Variants in SALL4 observed in about 807,000 individuals in gnomAD.
The protein encoded by SALL4 is sal-like protein 4.
Under a neutral mutation model 60.8 loss-of-function variants are expected in SALL4, and 4 were observed. The observed-to-expected ratio is 0.07, with a 90% CI of 0.03 to 0.15. The LOEUF is 0.15. Among genes scored for constraint, SALL4 ranks in the 10% least tolerant of loss-of-function variants. The pLI is 1.00. For missense variants in SALL4, 1,178 were observed against 1,394.7 expected (o/e 0.84, Z 2.48); for synonymous variants, 580 against 574.9 (o/e 1.01, Z -0.13).
chr20:51,802,307 G>C lies in SALL4; in HGVS notation c.102C>G (p.Ala34=). 2 of 1,609,066 alleles carry C rather than the reference G, an allele frequency of 1.2e-6. No individual in the cohort carries two copies. The highest frequency in any genetic ancestry group is 1.3e-5 in the African/African-American group (1 of 74,902). Residue 34 remains alanine, a synonymous_variant, in exon 1 of 4, where the codon GCC becomes GCG. Transcript: ENST00000217086. ...QQQTPEFADA[A]PAAPAAGELG... is the part of the protein sequence containing the mutation. The stretch of plus-strand genomic sequence containing the variant: ...GCTCCCCCGCCGCGGGCGCCGCTGG[G>C]GCCGCATCTGCAAACTCCGGGGTCT...
chr20:51,785,933 C>A (rs577630366), intron 3 of SALL4, among the ~76,000 whole-genome samples: 2 of 151,596 alleles, frequency 1.3e-5, no homozygotes, highest in East Asian at 3.9e-4. Context: ...TGAGCCACCA[C>A]GTCCGGCCTT....
intron 2 of SALL4, among the ~76,000 whole-genome samples, chr20:51,789,637 A>T (rs969247175): frequency 6.6e-6 from 1 of 152,158 alleles, no homozygotes; most frequent in Non-Finnish European, 1.5e-5. Context: ...CAGTGGTCAA[A>T]AAGCAGTGGC....
At chr20:51,789,216 C>A in intron 2 of SALL4, 75 bp from the exon 3 acceptor site, 1 of 1,546,640 alleles carries the variant, frequency 6.5e-7, no homozygotes, top group Non-Finnish European at 8.8e-7. Context: ...CAAAAGAGAT[C>A]TTTAAAAATA....
intron 1 of SALL4, among the ~76,000 whole-genome samples, chr20:51,798,806 C>T (rs1485491808): frequency 6.6e-6 from 1 of 152,002 alleles, no homozygotes; most frequent in Non-Finnish European, 1.5e-5. Context: ...CATCTCATCA[C>T]ATCACCAACT....
chr20:51,795,169 C>T (rs1296033963), intron 1 of SALL4, among the ~76,000 whole-genome samples: 1 of 152,120 alleles, frequency 6.6e-6, no homozygotes, highest in Non-Finnish European at 1.5e-5. Flanking sequence ...TAAAAATGTT[C>T]GGCCGGGCAC....
chr20:51,788,806 T>C lies in SALL4; in HGVS notation c.2742+55A>G. ...AAGAACTCATCACGGCTTGTGCCAA[T>C]AAGAAGACACCTGGTGCCTAGCCCC... is the stretch of plus-strand genomic sequence containing the variant. On this transcript the variant is annotated intron_variant, in intron 3 of 3. Transcript: ENST00000217086. This position sits in a 1 kb window ranked among gnomAD's most constrained non-coding sequence, Gnocchi z 4.1. The C allele has an allele frequency of 6.2e-7, 1 of 1,606,470 alleles. No homozygotes were observed.
Position 51,790,982 on chromosome 20 carries a change from C to A in SALL4, c.1501G>T (p.Gly501Cys), listed in dbSNP as rs758979245. 1.2e-6 allele frequency: 2 copies of A among 1,614,034 alleles called. No individual in the cohort carries two copies. The highest frequency in any genetic ancestry group is 2.7e-5 in the African/African-American group (2 of 74,898). The part of the protein sequence containing the change: ...SGTNPKDLTG[G>C]SLPGDLQPGP... ...GGCTGCAGGTCACCGGGCAAGGAGCCACCCGTGAGGTCCTTGGGATTAGTC... is the reference window on the plus strand; with the variant it reads ...GGCTGCAGGTCACCGGGCAAGGAGCAACCCGTGAGGTCCTTGGGATTAGTC... Residue 501 changes from glycine (G) to cysteine (C), a missense_variant, in exon 2 of 4, where the codon GGC becomes TGC. This residue lies in a region of SALL4 where 853 missense variants were observed against 1,036.8 expected (regional missense o/e 0.82). Transcript: ENST00000217086. The surrounding 1 kb of genome is among the most constrained non-coding windows in gnomAD (Gnocchi z 5.5).
rs1175508462 is a variant in SALL4, at chr20:51,782,575, G to GAT, written c.*1689_*1690insAT. The GAT allele has an allele frequency of 9.2e-6, 1 of 109,214 alleles. No individual in the cohort carries two copies. The highest frequency in any genetic ancestry group is 1.8e-5 in the Non-Finnish European group (1 of 54,392). 6.8% of individuals were successfully genotyped at this position (109,214 alleles called of 1,614,324 possible). ...CAAAAAAAAAAAAAAAAAAAAAAAA[G>GAT]GGGGGCGGAATCCTAAAGTCAGGTG... is the stretch of plus-strand genomic sequence containing the variant. On this transcript the variant is annotated 3_prime_UTR_variant, in exon 4 of 4. Transcript: ENST00000217086.
intron 1 of SALL4, among the ~76,000 whole-genome samples, chr20:51,798,951 C>T (rs893289107): frequency 3.9e-5 from 6 of 152,074 alleles, no homozygotes; most frequent in African/African-American, 4.8e-5. Flanking sequence ...CAAGGCACCA[C>T]GGGCAAAGCC....
Position 51,791,066 on chromosome 20 carries a change from C to G in SALL4, c.1417G>C (p.Asp473His). The G allele has an allele frequency of 6.2e-7, 1 of 1,614,112 alleles. No homozygotes were observed. ...GTGGTTACAAGGACAGGTTTGCTGT[C>G]TAAAGAAAGACTCGGTTCATCTATG... ...DPIDEPSLSLDSKPVLVTTSV... is the reference protein window; with the variant it reads ...DPIDEPSLSLHSKPVLVTTSV... Residue 473 changes from aspartate to histidine, a missense_variant, in exon 2 of 4, where the codon GAC (aspartate) becomes CAC (histidine). Coordinates refer to ENST00000217086, the MANE Select transcript of SALL4 (RefSeq NM_020436.5). The surrounding 1 kb of genome is among the most constrained non-coding windows in gnomAD (Gnocchi z 4.6).
At position 51,791,538 on chromosome 20, in the gene SALL4, C is replaced by A; in HGVS notation, c.945G>T (p.Leu315=). ...SLSPGLAPFT[L]KPDGTRVLPN... ...GGAGCACCCGGGTCCCATCCGGCTT[C>A]AGAGTGAAGGGTGCCAGCCCTGGGG... The change falls in exon 2 of 4, where the codon CTG becomes CTT. Residue 315 remains leucine, a synonymous_variant. Transcript: ENST00000217086. This position sits in a 1 kb window ranked among gnomAD's most constrained non-coding sequence, Gnocchi z 4.6. 3 of 1,613,934 alleles carry A rather than the reference C, an allele frequency of 1.9e-6. No individual in the cohort carries two copies. Among genetic ancestry groups the A allele is most frequent in the Non-Finnish European group, 2.5e-6 (3 of 1,180,046 alleles).
At chr20:51,793,877 G>A (rs1223578247) in intron 1 of SALL4, among the ~76,000 whole-genome samples, 1 of 152,052 alleles carries the variant, frequency 6.6e-6, no homozygotes, top group Admixed American at 6.5e-5. Context: ...TAGGCTGGGG[G>A]TGGGTCAGGG....
At chr20:51,786,811 T>C (rs540435154) in intron 3 of SALL4, among the ~76,000 whole-genome samples, 16 of 152,306 alleles carry the variant, frequency 1.1e-4, no homozygotes, top group Admixed American at 3.9e-4. Context: ...AAACAATTTG[T>C]GGGCAGGGCA....
At chr20:51,798,292 C>T (rs952509026) in intron 1 of SALL4, among the ~76,000 whole-genome samples, 10 of 152,164 alleles carry the variant, frequency 6.6e-5, no homozygotes, top group South Asian at 2.1e-4. Flanking sequence ...GTTTCACAGG[C>T]GCTAAGGCGT....
At chr20:51,799,314 G>C (rs2078096788) in intron 1 of SALL4, among the ~76,000 whole-genome samples, 1 of 152,164 alleles carries the variant, frequency 6.6e-6, no homozygotes, top group Middle Eastern at 3.2e-3. Context: ...CACCAAGCTG[G>C]CTTCAAGGTT....
chr20:51,794,049 G>A (rs1400415492), intron 1 of SALL4, among the ~76,000 whole-genome samples: 1 of 152,206 alleles, frequency 6.6e-6, no homozygotes, highest in African/African-American at 2.4e-5. Flanking sequence ...TGACAACCTC[G>A]TGATTAGATG....
chr20:51,799,333 G>A (rs1353726031), intron 1 of SALL4, among the ~76,000 whole-genome samples: 2 of 152,278 alleles, frequency 1.3e-5, no homozygotes, highest in Admixed American at 6.5e-5. Context: ...TTACACAGCT[G>A]AAAGTCACAC....
intron 1 of SALL4, among the ~76,000 whole-genome samples, chr20:51,800,485 T>C (rs16996243): frequency 0.08 from 12,107 of 152,160 alleles, 833 homozygotes; most frequent in African/African-American, 0.19. Context: ...ACTCCAACCA[T>C]CGTTAATTTC....
At position 51,784,345 on chromosome 20, in the gene SALL4, C is replaced by T. The variant is rs769246771; in HGVS notation, c.3082G>A (p.Glu1028Lys). 6.2e-7 allele frequency: 1 copy of T among 1,614,198 alleles called. No individual in the cohort carries two copies. The highest frequency in any genetic ancestry group is 8.5e-7 in the Non-Finnish European group (1 of 1,180,034). Residue 1028 changes from glutamate to lysine, a missense_variant, in exon 4 of 4, where the codon GAA becomes AAA. Physicochemically the swap from Glu to Lys is moderately conservative, Grantham distance 56. Coordinates refer to ENST00000217086, the MANE Select transcript of SALL4 (RefSeq NM_020436.5). ...ACGCCGTCAGTAGCACTTGGTTTTT[C>T]CACATCTGCACTGATACCCGACTGG... is the stretch of plus-strand genomic sequence containing the variant. ...GSQSGISADV[E>K]KPSATDGVPK...
Sources: allele counts gnomAD v4.1 joint callset (sites outside exome capture counted in the v4.1 genomes callset), GRCh38; gene constraint gnomAD v4.1.1; regional missense constraint gnomAD v4.1.1; non-coding constraint Gnocchi (gnomAD v3.1); transcripts MANE v1.5; gene names NCBI Gene and HGNC (gene_info 2026-07-23, HGNC 2026-07-21).